The following PDXDC1 variants were observed in gnomAD, a reference collection of about 807,000 sequenced individuals.
PDXDC1 encodes pyridoxal-dependent decarboxylase domain-containing protein 1.
PDXDC1 carries 42 observed loss-of-function variants against 100.1 expected under a neutral mutation model. That is an observed-to-expected ratio of 0.42 (90% confidence interval 0.33 to 0.54). PDXDC1 has a LOEUF of 0.54. Ranked by LOEUF, PDXDC1 falls within the 20% of genes least tolerant of loss-of-function variation. PDXDC1 has a pLI of 0.10. For synonymous variants in PDXDC1, 260 were observed against 371.7 expected, an observed-to-expected ratio of 0.70 and a Z score of 3.46; for missense variants, 636 against 979.2, an observed-to-expected ratio of 0.65 and a Z score of 4.68.
chr16:15,061,796 G>T (rs761241153), intron 16 of PDXDC1: 1 of 1,614,170 alleles, frequency 6.2e-7, no homozygotes, highest in East Asian at 2.2e-5. Context: ...CACACTACTT[G>T]AAGGACTTCG....
At chr16:14,979,653 A>T (rs1967502656) in intron 1 of PDXDC1, among the ~76,000 whole-genome samples, 2 of 152,288 alleles carry the variant, frequency 1.3e-5, no homozygotes, top group Admixed American at 1.3e-4. Context: ...TTCTGACCTA[A>T]ATCAGCACAA....
intron 16 of PDXDC1, chr16:15,130,563 G>A: frequency 7.2e-6 from 10 of 1,385,908 alleles, no homozygotes; most frequent in Non-Finnish European, 9.2e-6. Context: ...CGTCCCCACA[G>A]GGCCTGTAAC....
intron 16 of PDXDC1, among the ~76,000 whole-genome samples, chr16:15,077,873 C>T (rs1364251187): frequency 1.3e-5 from 2 of 152,064 alleles, no homozygotes; most frequent in African/African-American, 4.8e-5. Context: ...TTTTTCTTCC[C>T]AGGCTCAGCT....
At chr16:15,128,022 C>G in intron 16 of PDXDC1, 2 of 1,600,724 alleles carry the variant, frequency 1.2e-6, no homozygotes, top group South Asian at 2.2e-5. Flanking sequence ...TCCACCAGGC[C>G]CCCGTTGGCC....
chr16:15,072,617 A>G (rs984874068), intron 16 of PDXDC1, among the ~76,000 whole-genome samples: 3 of 152,148 alleles, frequency 2.0e-5, no homozygotes, highest in African/African-American at 7.2e-5. Context: ...AGTATGGCCA[A>G]CGTGGCGAAA....
chr16:14,983,849 T>C (rs1273880488), intron 1 of PDXDC1, among the ~76,000 whole-genome samples: 1 of 152,278 alleles, frequency 6.6e-6, no homozygotes, highest in Non-Finnish European at 1.5e-5. Flanking sequence ...TATAGTGATA[T>C]TACCACCAGC....
At chr16:15,005,859 C>T (rs1315036758) in intron 5 of PDXDC1, among the ~76,000 whole-genome samples, 1 of 152,272 alleles carries the variant, frequency 6.6e-6, no homozygotes. Flanking sequence ...ACCACCACAC[C>T]TCGCAATTAG....
At chr16:15,112,850 A>G (rs1243103119) in intron 16 of PDXDC1, among the ~76,000 whole-genome samples, 2 of 110,204 alleles carry the variant, frequency 1.8e-5, no homozygotes, top group Admixed American at 1.1e-4. Flanking sequence ...TGAGAGGTAC[A>G]AAGTTGTCCA....
intron 16 of PDXDC1, among the ~76,000 whole-genome samples, chr16:15,057,179 G>A (rs1008188500): frequency 6.6e-6 from 1 of 151,998 alleles, no homozygotes; most frequent in Non-Finnish European, 1.5e-5. Flanking sequence ...TACACACCCC[G>A]TTCAACAAAA....
chr16:15,019,011 C>T, intron 12 of PDXDC1, 46 bp downstream of exon 12: 2 of 1,595,526 alleles, frequency 1.3e-6, no homozygotes, highest in Non-Finnish European at 1.7e-6. Flanking sequence ...TTGGCCACAG[C>T]AGAGACAGAA....
Position 15,031,750 on chromosome 16 carries a change from G to A in PDXDC1, c.1415G>A (p.Gly472Glu), listed in dbSNP as rs762986797. ...ACATCTTCAGTTTTAGGAACTCGGG[G>A]AGAGGATGTGGATCAGCTCGTAGCC... The part of the protein sequence containing the change: ...LMTAAVLGTR[G>E]EDVDQLVACI... The change falls in exon 17 of 23, where the codon GGA becomes GAA. Residue 472 changes from glycine (G) to glutamate (E), a missense_variant. Gly to Glu is a moderately conservative substitution (Grantham distance 98). Coordinates refer to ENST00000396410, the MANE Select transcript of PDXDC1 (RefSeq NM_015027.4). 1 of 1,610,982 alleles carries A rather than the reference G, an allele frequency of 6.2e-7. No homozygotes were observed. Among genetic ancestry groups the A allele is most frequent in the Non-Finnish European group, 8.5e-7 (1 of 1,177,498 alleles).
downstream of PDXDC1, among the ~76,000 whole-genome samples, chr16:15,140,906 C>T (rs1333196705): frequency 4.6e-5 from 7 of 152,138 alleles, no homozygotes; most frequent in Non-Finnish European, 8.8e-5. Context: ...TGCCACGGGC[C>T]TCTACTTCCC....
intron 16 of PDXDC1, among the ~76,000 whole-genome samples, chr16:15,097,373 C>G (rs2046392590): frequency 6.6e-6 from 1 of 150,406 alleles, no homozygotes; most frequent in South Asian, 2.1e-4. Context: ...GCCTGTAATC[C>G]CAGCACTTTG....
chr16:15,096,829 A>G (rs2151839393), intron 16 of PDXDC1, among the ~76,000 whole-genome samples: 1 of 152,236 alleles, frequency 6.6e-6, no homozygotes, highest in East Asian at 1.9e-4. Flanking sequence ...CACCAAGCCC[A>G]GCTAATTTTT....
At chr16:15,026,775 A>G in intron 14 of PDXDC1, 69 bp downstream of exon 14, 2 of 1,407,160 alleles carry the variant, frequency 1.4e-6, no homozygotes, top group Non-Finnish European at 2.0e-6. Context: ...TACCATTTCA[A>G]GTTAAATAGT....
intron 16 of PDXDC1, among the ~76,000 whole-genome samples, chr16:15,065,683 A>G (rs920545482): frequency 6.6e-6 from 1 of 152,154 alleles, no homozygotes; most frequent in African/African-American, 2.4e-5. Context: ...TTCATTAAAA[A>G]TAAATGTTTG....
intron 1 of PDXDC1, among the ~76,000 whole-genome samples, chr16:14,978,913 G>A (rs546390692): frequency 3.5e-4 from 54 of 152,416 alleles, no homozygotes; most frequent in African/African-American, 1.3e-3. Flanking sequence ...GCCTGTGCAT[G>A]GCAGCATGCT....
Position 15,038,251 on chromosome 16 carries a change from A to C in PDXDC1, c.*1976A>C, listed in dbSNP as rs2740. The C allele has an allele frequency of 6.9e-7, 1 of 1,441,178 alleles. No homozygotes were observed. The highest frequency in any genetic ancestry group is 9.7e-7 in the Non-Finnish European group (1 of 1,033,174). The allele number at this position is 1,441,178 out of a possible 1,614,324, so 89.3% of individuals were successfully genotyped here. A position where few individuals can be genotyped will look rare whatever the true frequency, so the allele number is the denominator to read the frequency against. ...GGTGGGCATTAGAGAAGCCAACCTT[A>C]CTGTCCCCTGCTGTGATAAAGATGT... On this transcript the variant is annotated 3_prime_UTR_variant, in exon 23 of 23. Transcript: ENST00000396410.
At chr16:15,072,429 AC>A (rs972084055) in intron 16 of PDXDC1, among the ~76,000 whole-genome samples, 4 of 152,170 alleles carry the variant, frequency 2.6e-5, no homozygotes, top group Non-Finnish European at 5.9e-5. Context: ...CCACCTAGTG[AC>A]CAAAAGGCAG....
Sources: allele counts gnomAD v4.1 joint callset (sites outside exome capture counted in the v4.1 genomes callset), GRCh38; gene constraint gnomAD v4.1.1; transcripts MANE v1.5; gene names NCBI Gene and HGNC (gene_info 2026-07-23, HGNC 2026-07-21).